SPINT1: variants seen among roughly 807,000 people sequenced by gnomAD.
SPINT1 encodes serine peptidase inhibitor, Kunitz type 1.
A neutral mutation model predicts 53.7 loss-of-function variants in SPINT1; 38 were observed. The ratio of observed to expected loss-of-function variants is 0.71; its 90% CI spans 0.55 to 0.93. The LOEUF is 0.93. Among genes scored for constraint, SPINT1 ranks in the 40% least tolerant of loss-of-function variants. The pLI, the probability that SPINT1 is intolerant of heterozygous loss-of-function variation, is 0.00. For missense variants in SPINT1, 645 were observed against 692.9 expected (o/e 0.93, Z 0.78); for synonymous variants, 283 against 280.6 (o/e 1.01, Z -0.08).
rs765625282 is a variant in SPINT1 at position 40,844,638 on chromosome 15, C to T, written c.84C>T (p.Leu28=). 9 of 1,607,276 alleles carry T rather than the reference C, an allele frequency of 5.6e-6. No homozygotes were observed. The highest frequency in any genetic ancestry group is 2.2e-5 in the South Asian group (2 of 90,692). ...TCGCCTTGTGGCTTCTGTGCACGCT[C>T]GGCCTCCAGGGCACCCAGGCCGGGC... ...PAVALWLLCT[L]GLQGTQAGPP... Residue 28 remains leucine (L), a synonymous_variant, in exon 2 of 11, where the codon CTC becomes CTT. Coordinates refer to ENST00000562057, the MANE Select transcript of SPINT1 (RefSeq NM_003710.4). The surrounding 1 kb of genome is among the most constrained non-coding windows in gnomAD (Gnocchi z 5.8).
intron 2 of SPINT1, among the ~76,000 whole-genome samples, chr15:40,852,218 G>A (rs928498841): frequency 6.6e-6 from 1 of 152,060 alleles, no homozygotes; most frequent in Non-Finnish European, 1.5e-5. Flanking sequence ...CTCTGTCTTC[G>A]CGTGGCCTTC....
rs1891674473 is a variant in SPINT1 at position 40,857,188 on chromosome 15, A to T, written c.*213A>T. 2 of 651,350 alleles carry T rather than the reference A, an allele frequency of 3.1e-6. No homozygotes were observed. Among genetic ancestry groups the T allele is most frequent in the Non-Finnish European group, 5.1e-6 (2 of 388,522 alleles). The allele number at this position is 651,350 out of a possible 1,614,324, so 40.3% of individuals were successfully genotyped here. ...GGAAGGAGCAGAAAACCCTTGGGCCAGAAGTACCAGACTAGATGGACCTGC... is the reference window on the plus strand; with the variant it reads ...GGAAGGAGCAGAAAACCCTTGGGCCTGAAGTACCAGACTAGATGGACCTGC... On this transcript the variant is annotated 3_prime_UTR_variant, in exon 11 of 11. Transcript: ENST00000562057.
At chr15:40,850,339 G>A (rs1316547980) in intron 2 of SPINT1, among the ~76,000 whole-genome samples, 2 of 152,232 alleles carry the variant, frequency 1.3e-5, no homozygotes, top group Admixed American at 6.5e-5. Context: ...CCAAAGTGCT[G>A]GGATTACAGG....
At chr15:40,856,101 A>C (rs773922342) in intron 9 of SPINT1, 39 bp downstream of exon 9, 8 of 1,609,882 alleles carry the variant, frequency 5.0e-6, no homozygotes, top group Non-Finnish European at 5.9e-6. Flanking sequence ...GTATGGGGGA[A>C]GGCTTAGCCA....
chr15:40,852,464 C>T (rs1359341473), intron 2 of SPINT1, among the ~76,000 whole-genome samples: 1 of 152,150 alleles, frequency 6.6e-6, no homozygotes, highest in Admixed American at 6.5e-5. Flanking sequence ...GTGCTTGTCA[C>T]CCACCCCCAT....
In SPINT1 at chr15:40,853,750, G is replaced by C; in HGVS notation, c.782G>C (p.Gly261Ala). ...TCCAACAAGGTGGGTCGCTGCCGGG[G>C]CTCTTTCCCACGCTGGTACTATGAC... ...LASNKVGRCRGSFPRWYYDPT... is the reference protein window; with the variant it reads ...LASNKVGRCRASFPRWYYDPT... Residue 261 changes from glycine (G) to alanine (A), a missense_variant, in exon 5 of 11, where the codon GGC becomes GCC. Gly to Ala is a moderately conservative substitution (Grantham distance 60). Transcript: ENST00000562057. 1.2e-6 allele frequency: 2 copies of C among 1,614,142 alleles called. No individual in the cohort carries two copies. Among genetic ancestry groups the C allele is most frequent in the Non-Finnish European group, 1.7e-6 (2 of 1,179,978 alleles).
intron 2 of SPINT1, among the ~76,000 whole-genome samples, chr15:40,847,766 G>T (rs1284018170): frequency 6.6e-6 from 1 of 152,140 alleles, no homozygotes; most frequent in Non-Finnish European, 1.5e-5. Flanking sequence ...GTGTTGGGGT[G>T]GGATTCAGCC....
intron 2 of SPINT1, 134 bp from the exon 3 acceptor site, chr15:40,852,990 C>T (rs1019090160): frequency 1.7e-5 from 20 of 1,149,166 alleles, no homozygotes; most frequent in African/African-American, 7.7e-5. Flanking sequence ...GGCTCCCACC[C>T]GCACCCCATG....
In SPINT1 at chr15:40,856,976, G is replaced by C. The variant is rs202216811; in HGVS notation, c.*1G>C. ...TAACCACACCACGCGGCCCCTCTGA[G>C]CCTGGGTCTCACCGGCTCTCACCTG... is the stretch of plus-strand genomic sequence containing the variant. On this transcript the variant is annotated 3_prime_UTR_variant, in exon 11 of 11. Coordinates refer to ENST00000562057, the MANE Select transcript of SPINT1 (RefSeq NM_003710.4). 6.2e-7 allele frequency: 1 copy of C among 1,613,706 alleles called. No individual in the cohort carries two copies. The highest frequency in any genetic ancestry group is 1.7e-5 in the Admixed American group (1 of 59,992).
At position 40,844,977 on chromosome 15, in the gene SPINT1, C is replaced by T. The variant is rs190902803; in HGVS notation, c.423C>T (p.Leu141=). The change falls in exon 2 of 11, where the codon CTC becomes CTT. Residue 141 remains leucine (L), a synonymous_variant. Coordinates refer to ENST00000562057, the MANE Select transcript of SPINT1 (RefSeq NM_003710.4). This position sits in a 1 kb window ranked among gnomAD's most constrained non-coding sequence, Gnocchi z 5.8. The part of the protein sequence containing the change: ...FAPREGFINY[L]TREVYRSYRQ... ...CCAGGGAGGGCTTCATCAACTACCT[C>T]ACGAGGGAAGTGTACCGCTCCTACC... The T allele has an allele frequency of 3.9e-5, 63 of 1,613,754 alleles. No individual in the cohort carries two copies. In the East Asian group the frequency reaches 1.4e-3, roughly 35 times the overall value.
In SPINT1 at chr15:40,854,501, G is replaced by T. The variant is rs372720759; in HGVS notation, c.1045G>T (p.Asp349Tyr). ...CACCCCCAACTGCCCCGACGCCTCC[G>T]ACGAGGCTGCCTGTGAAAAATGTGA... ...DDTPNCPDASDEAACEKYTSG... is the reference protein window; with the variant it reads ...DDTPNCPDASYEAACEKYTSG... Residue 349 changes from aspartate to tyrosine, a missense_variant, in exon 7 of 11, where the codon GAC becomes TAC. By Grantham distance (160) the Asp-to-Tyr change is radical (BLOSUM62 -3). Transcript: ENST00000562057. 6.2e-7 allele frequency: 1 copy of T among 1,613,378 alleles called. No individual in the cohort carries two copies. The highest frequency in any genetic ancestry group is 1.7e-4 in the Middle Eastern group (1 of 6,056).
At chr15:40,853,412 G>C in intron 3 of SPINT1, 77 bp from the exon 4 acceptor site, 1 of 1,611,220 alleles carries the variant, frequency 6.2e-7, no homozygotes, top group Non-Finnish European at 8.5e-7. Context: ...AGGGGTGTGG[G>C]TGTGTGTCTG....
chr15:40,850,233 C>T (rs1474002972), intron 2 of SPINT1, among the ~76,000 whole-genome samples: 6 of 152,158 alleles, frequency 3.9e-5, no homozygotes, highest in Admixed American at 1.3e-4. Context: ...CCACCACACC[C>T]GGCTAATTTT....
In SPINT1 at chr15:40,857,065, G is replaced by A. The variant is rs1891669426; in HGVS notation, c.*90G>A. On this transcript the variant is annotated 3_prime_UTR_variant, in exon 11 of 11. Transcript: ENST00000562057. Reference sequence around the variant, plus strand: ...GGAAAAACTTTGGAACCAGACTCTTGCCTGTTTCCCAGGCCCACTGTGCCT... The same window carrying A: ...GGAAAAACTTTGGAACCAGACTCTTACCTGTTTCCCAGGCCCACTGTGCCT... 8 of 1,523,822 alleles carry A rather than the reference G, an allele frequency of 5.2e-6. No individual in the cohort carries two copies. The highest frequency in any genetic ancestry group is 1.2e-5 in the South Asian group (1 of 81,120). The allele number at this position is 1,523,822 out of a possible 1,614,324, so 94.4% of individuals were successfully genotyped here. A position where few individuals can be genotyped will look rare whatever the true frequency, so the allele number is the denominator to read the frequency against.
In SPINT1 at chr15:40,844,873, G is replaced by A; in HGVS notation, c.319G>A (p.Asp107Asn). The change falls in exon 2 of 11, where the codon GAC becomes AAC. Residue 107 changes from aspartate to asparagine, a missense_variant. Physicochemically the swap from Asp to Asn is conservative, Grantham distance 23. Transcript: ENST00000562057. This position sits in a 1 kb window ranked among gnomAD's most constrained non-coding sequence, Gnocchi z 5.8. ...CNLALVELQP[D>N]RGEDAIAACF... ...CTTGGCGCTAGTGGAGCTGCAGCCC[G>A]ACCGCGGGGAGGACGCCATCGCCGC... The A allele has an allele frequency of 1.2e-6, 2 of 1,613,878 alleles. No homozygotes were observed. The highest frequency in any genetic ancestry group is 1.7e-6 in the Non-Finnish European group (2 of 1,180,026).
At chr15:40,845,146 T>A (rs1891251527) in intron 2 of SPINT1, 117 bp downstream of exon 2, 1 of 846,372 alleles carries the variant, frequency 1.2e-6, no homozygotes, top group Non-Finnish European at 1.7e-6. Context: ...TTTTTTTTTC[T>A]TTTTCTTTCT....
chr15:40,849,996 A>G (rs1049521354), intron 2 of SPINT1, among the ~76,000 whole-genome samples: 2 of 152,350 alleles, frequency 1.3e-5, no homozygotes, highest in South Asian at 2.1e-4. Context: ...CTGTGTTCCA[A>G]TCGATGGACA....
rs770579190 is a variant in SPINT1 at position 40,853,669 on chromosome 15, G to A, written c.742+42G>A. 21 of 1,613,878 alleles carry A rather than the reference G, an allele frequency of 1.3e-5. 1 individual carries two copies. The Admixed American group carries it at 3.5e-4, about 27-fold the overall frequency. On this transcript the variant is annotated intron_variant, in intron 4 of 10. Coordinates refer to ENST00000562057, the MANE Select transcript of SPINT1 (RefSeq NM_003710.4). ...GAGCAGCACCTGGAGCCCCCGCTGT[G>A]CGGATTGGCCGCACGGTCCCCTCAT...
At chr15:40,851,943 C>A (rs981958974) in intron 2 of SPINT1, among the ~76,000 whole-genome samples, 5 of 152,200 alleles carry the variant, frequency 3.3e-5, no homozygotes, top group African/African-American at 1.2e-4. Flanking sequence ...ATCGCTTGAA[C>A]CCTGGAGGCG....
Sources: gnomAD v4.1 joint callset for allele counts (sites outside exome capture counted in the v4.1 genomes callset) on GRCh38, gnomAD v4.1.1 for gene constraint, Gnocchi (gnomAD v3.1) non-coding constraint, MANE v1.5 for transcripts, NCBI Gene and HGNC (gene_info 2026-07-23, HGNC 2026-07-21) for gene names.